Variants in COPB2 observed in about 807,000 individuals in gnomAD.
COPB2 encodes the protein coat protein complex I subunit beta 2.
Under a neutral mutation model 120.8 loss-of-function variants are expected in COPB2, and 16 were observed. The observed-to-expected ratio is 0.13, with a 90% CI of 0.09 to 0.20. The LOEUF (loss-of-function observed/expected upper bound fraction) is 0.20. Ranked by LOEUF, COPB2 falls within the 10% of genes least tolerant of loss-of-function variation. The pLI is 1.00. For synonymous variants in COPB2, 332 were observed against 366.3 expected, an observed-to-expected ratio of 0.91 and a Z score of 1.07; for missense variants, 794 against 1,076.5, an observed-to-expected ratio of 0.74 and a Z score of 3.67.
At position 139,371,719 on chromosome 3, in the gene COPB2, T is replaced by G; in HGVS notation, c.1205+4A>C. On this transcript the variant is annotated splice_donor_region_variant and intron_variant, in intron 10 of 21. Transcript: ENST00000333188. ...ATGCTGGCTATCATACAATCAAAAC[T>G]TACTCTGAAGAATCGTGGGCCCATG... The G allele has an allele frequency of 6.2e-7, 1 of 1,612,882 alleles. No homozygotes were observed. Among genetic ancestry groups the G allele is most frequent in the East Asian group, 2.2e-5 (1 of 44,868 alleles).
chr3:139,357,798 G>C lies in COPB2; in HGVS notation c.*65C>G, dbSNP rs979183846. The C allele has an allele frequency of 3.6e-6, 3 of 830,434 alleles. No homozygotes were observed. The highest frequency in any genetic ancestry group is 1.8e-5 in the South Asian group (1 of 55,090). 51.4% of individuals were successfully genotyped at this position (830,434 alleles called of 1,614,324 possible). ...CTCATAGTCCAAAGCACTGTGGTCA[G>C]GGTAGCAATCAATACCTATATATAA... is the stretch of plus-strand genomic sequence containing the variant. On this transcript the variant is annotated 3_prime_UTR_variant, in exon 22 of 22. Coordinates refer to ENST00000333188, the MANE Select transcript of COPB2 (RefSeq NM_004766.3).
intron 19 of COPB2, 78 bp from the exon 20 acceptor site, chr3:139,358,890 A>T: frequency 6.5e-7 from 1 of 1,547,556 alleles, no homozygotes; most frequent in African/African-American, 1.4e-5. Flanking sequence ...TAAATCCCAG[A>T]TATCAGCTCT....
rs1941555825 is a variant in COPB2, at chr3:139,368,205, G to A, written c.1485C>T (p.Val495=). The A allele has an allele frequency of 1.2e-6, 2 of 1,613,856 alleles. No individual in the cohort carries two copies. Among genetic ancestry groups the A allele is most frequent in the Non-Finnish European group, 8.5e-7 (1 of 1,179,864 alleles). The change falls in exon 13 of 22, where the codon GTC becomes GTT. Residue 495 remains valine, a synonymous_variant. Transcript: ENST00000333188. ...FFILKYLSEK[V]LAAQETHEGV... is the part of the protein sequence containing the mutation. ...CCTCATGTGTTTCCTGTGCAGCCAA[G>A]ACTTTTTCTGACAGATACTTAAGGA...
At chr3:139,386,047 C>G (rs9850987) in intron 1 of COPB2, among the ~76,000 whole-genome samples, 57,847 of 152,028 alleles carry the variant, frequency 0.38, 13,752 homozygotes, top group Non-Finnish European at 0.53. Flanking sequence ...AGACAAAACA[C>G]CTCACAATGC....
Position 139,358,367 on chromosome 3 carries a change from G to A in COPB2, c.2554-96C>T, listed in dbSNP as rs1017204964. On this transcript the variant is annotated intron_variant, in intron 20 of 21. Transcript: ENST00000333188. ...AAAAGGATGATCAGAATTAGGAAGT[G>A]GGAGATGATGTTTAAAAGTGAACCA... 41 of 1,087,396 alleles carry A rather than the reference G, an allele frequency of 3.8e-5. No homozygotes were observed. The Admixed American group carries it at 7.8e-4, about 21-fold the overall frequency. The allele number at this position is 1,087,396 out of a possible 1,614,324, so 67.4% of individuals were successfully genotyped here. A position where few individuals can be genotyped will look rare whatever the true frequency, so the allele number is the denominator to read the frequency against.
chr3:139,379,998 C>CTTTTCT (rs985973006), intron 2 of COPB2: 3 of 118,914 alleles, frequency 2.5e-5, no homozygotes, highest in Admixed American at 8.8e-5. Context: ...TTCTTTTTTT[C>CTTTTCT]TTTTCTTTTT....
chr3:139,362,552 C>A, intron 15 of COPB2, 35 bp from the exon 16 acceptor site: 2 of 1,377,710 alleles, frequency 1.5e-6, no homozygotes, highest in Non-Finnish European at 2.0e-6. Flanking sequence ...TATATTTATG[C>A]ATACAAAAAT....
intron 2 of COPB2, chr3:139,380,652 T>C (rs896368764): frequency 5.9e-5 from 9 of 151,754 alleles, no homozygotes; most frequent in African/African-American, 1.9e-4. Context: ...ATCTTACTGA[T>C]TGATTAACCA....
At chr3:139,377,642 T>C (rs1217229056) in intron 5 of COPB2, among the ~76,000 whole-genome samples, 1 of 152,060 alleles carries the variant, frequency 6.6e-6, no homozygotes, top group African/African-American at 2.4e-5. Context: ...TGTGGTAAAA[T>C]GGAGTAAGAA....
chr3:139,358,328 A>T (rs761917173), intron 20 of COPB2, 57 bp from the exon 21 acceptor site: 279 of 1,456,260 alleles, frequency 1.9e-4, no homozygotes, highest in Non-Finnish European at 2.6e-4. Flanking sequence ...GGGAATTTAA[A>T]GTTTTCCCCC....
chr3:139,366,439 TCA>T, intron 15 of COPB2, 127 bp downstream of exon 15: 1 of 820,912 alleles, frequency 1.2e-6, no homozygotes. Context: ...TGCCTTAAAC[TCA>T]CAGGAGAAAT....
intron 1 of COPB2, chr3:139,389,333 T>G: frequency 1.6e-6 from 1 of 638,346 alleles, no homozygotes; most frequent in Non-Finnish European, 2.2e-6. Flanking sequence ...ACAAAACCCC[T>G]CACTAGCAGG....
chr3:139,379,062 T>C lies in COPB2; in HGVS notation c.340A>G (p.Ile114Val). The change falls in exon 4 of 22, where the codon ATT (isoleucine) becomes GTT (valine). Residue 114 changes from isoleucine (I) to valine (V), a missense_variant. Physicochemically the swap from Ile to Val is conservative, Grantham distance 29 (BLOSUM62 3). Transcript: ENST00000333188. ...CATCTCTTACCACTGCTAGTTAGAATGAAAGGCTGGGTTGGATGAACAGCA... is the reference window on the plus strand; with the variant it reads ...CATCTCTTACCACTGCTAGTTAGAACGAAAGGCTGGGTTGGATGAACAGCA... ...CIAVHPTQPF[I>V]LTSSDDMLIK... The C allele has an allele frequency of 6.3e-7, 1 of 1,599,718 alleles. No homozygotes were observed. The highest frequency in any genetic ancestry group is 8.5e-7 in the Non-Finnish European group (1 of 1,176,212).
rs1433471021 is a variant in COPB2 at position 139,378,169 on chromosome 3, A to G, written c.376T>C (p.Trp126Arg). The change falls in exon 5 of 22, where the codon TGG becomes CGG. Residue 126 changes from tryptophan (W) to arginine (R), a missense_variant. By Grantham distance (101) the Trp-to-Arg change is moderately radical (BLOSUM62 -3). Coordinates refer to ENST00000333188, the MANE Select transcript of COPB2 (RefSeq NM_004766.3). ...TSSDDMLIKL[W>R]DWDKKWSCSQ... ...CAAGACCATTTTTTATCCCAGTCCC[A>G]GAGCTTAATAAGCATGTCATCTAGG... 6.3e-7 allele frequency: 1 copy of G among 1,576,320 alleles called. No individual in the cohort carries two copies. Among genetic ancestry groups the G allele is most frequent in the Non-Finnish European group, 8.7e-7 (1 of 1,152,234 alleles).
In COPB2 at chr3:139,379,499, CTA is replaced by C; in HGVS notation, c.142-35_142-34del. 2.5e-6 allele frequency: 4 copies of C among 1,572,684 alleles called. No homozygotes were observed. In the South Asian group the frequency reaches 4.5e-5, roughly 18 times the overall value. ...ATGTAACAAGAATACACAAATTGAG[CTA>C]TAAGAAAATAACCACAAAATCTACT... is the stretch of plus-strand genomic sequence containing the variant. On this transcript the variant is annotated intron_variant, in intron 2 of 21. Transcript: ENST00000333188.
intron 7 of COPB2, 99 bp from the exon 8 acceptor site, chr3:139,373,907 A>T: frequency 9.8e-6 from 14 of 1,426,348 alleles, no homozygotes; most frequent in Non-Finnish European, 1.2e-5. Context: ...ATTCAAACAG[A>T]TAACACTTCC....
chr3:139,388,833 A>G (rs964002900), intron 1 of COPB2, among the ~76,000 whole-genome samples: 19 of 150,234 alleles, frequency 1.3e-4, no homozygotes, highest in African/African-American at 4.4e-4. Context: ...GAGACGGAAG[A>G]TATTCTTATA....
chr3:139,363,001 T>C (rs1166383178), intron 15 of COPB2, among the ~76,000 whole-genome samples: 1 of 152,194 alleles, frequency 6.6e-6, no homozygotes, highest in Non-Finnish European at 1.5e-5. Context: ...TAGCAGTAAA[T>C]GGCCAAAGAA....
chr3:139,387,027 C>T (rs191091364), intron 1 of COPB2, among the ~76,000 whole-genome samples: 66 of 143,360 alleles, frequency 4.6e-4, no homozygotes, highest in African/African-American at 1.5e-3. Flanking sequence ...GGTGAAACCC[C>T]GTCTCTACTA....
Sources: allele counts gnomAD v4.1 joint callset (sites outside exome capture counted in the v4.1 genomes callset), GRCh38; gene constraint gnomAD v4.1.1; transcripts MANE v1.5; gene names NCBI Gene and HGNC (gene_info 2026-07-23, HGNC 2026-07-21).